KLF12: variants seen among roughly 807,000 people sequenced by gnomAD.
The protein encoded by KLF12 is Krueppel-like factor 12.
KLF12 carries 9 observed loss-of-function variants against 37.8 expected under a neutral mutation model. The observed-to-expected ratio is 0.24, with a 90% CI of 0.14 to 0.42. The LOEUF (loss-of-function observed/expected upper bound fraction) is 0.42. Ranked by LOEUF, KLF12 falls within the 10% of genes least tolerant of loss-of-function variation. The pLI is 1.00. For missense variants in KLF12, 411 were observed against 516.0 expected (o/e 0.80, Z 1.97); for synonymous variants, 208 against 202.1 (o/e 1.03, Z -0.25).
chr13:73,857,547 C>T (rs1297187814), intron 3 of KLF12, among the ~76,000 whole-genome samples: 1 of 152,162 alleles, frequency 6.6e-6, no homozygotes, highest in Non-Finnish European at 1.5e-5. Context: ...TTTATACATT[C>T]TAGTTGGTTA....
the KLF12 span, among the ~76,000 whole-genome samples, chr13:74,177,693 T>A: frequency 6.6e-6 from 1 of 152,130 alleles, no homozygotes; most frequent in African/African-American, 2.4e-5. Context: ...TCAGAAGCCT[T>A]TGTACGAGTT....
At chr13:73,994,664 G>T (rs1437033909) in intron 2 of KLF12, among the ~76,000 whole-genome samples, 3 of 152,090 alleles carry the variant, frequency 2.0e-5, no homozygotes, top group East Asian at 1.9e-4. Flanking sequence ...AAAAAATCTG[G>T]CTTCTTTTTT....
upstream of KLF12, among the ~76,000 whole-genome samples, chr13:74,135,604 G>C (rs1479409342): frequency 6.6e-6 from 1 of 151,204 alleles, no homozygotes; most frequent in Non-Finnish European, 1.5e-5. Flanking sequence ...CGGGCGGGCG[G>C]GGCGCGCGGC....
chr13:74,128,281 C>T (rs1878054987), intron 1 of KLF12, among the ~76,000 whole-genome samples: 1 of 152,198 alleles, frequency 6.6e-6, no homozygotes, highest in Non-Finnish European at 1.5e-5. Flanking sequence ...TCTACCCACA[C>T]TCGGAAATTC....
At chr13:73,805,706 AAGGAAGGG>A (rs1882569847) in intron 5 of KLF12, among the ~76,000 whole-genome samples, 1 of 142,818 alleles carries the variant, frequency 7.0e-6, no homozygotes, top group Non-Finnish European at 1.5e-5. Context: ...GGAAGGAAGG[AAGGAAGGG>A]GAAAAGATTG....
chr13:74,102,330 C>T (rs991148998), intron 1 of KLF12, among the ~76,000 whole-genome samples: 2 of 151,890 alleles, frequency 1.3e-5, no homozygotes, highest in African/African-American at 4.8e-5. Context: ...TAGCACTAAA[C>T]AATTACAAAG....
the KLF12 span, chr13:74,257,933 T>A: frequency 1.3e-5 from 2 of 152,210 alleles, no homozygotes; most frequent in African/African-American, 4.8e-5. Context: ...GTCTTCTCTG[T>A]ATTAAATAAC....
intron 1 of KLF12, among the ~76,000 whole-genome samples, chr13:74,002,311 C>A (rs1416810261): frequency 6.6e-6 from 1 of 152,202 alleles, no homozygotes; most frequent in African/African-American, 2.4e-5. Context: ...ACTACATAAT[C>A]CCAGAAAATA....
chr13:74,295,058 C>T, the KLF12 span, among the ~76,000 whole-genome samples: 3 of 152,272 alleles, frequency 2.0e-5, no homozygotes, highest in Non-Finnish European at 2.9e-5. Flanking sequence ...TTTTATGTAA[C>T]ATTGGGCAAC....
intron 1 of KLF12, among the ~76,000 whole-genome samples, chr13:74,089,727 A>C: frequency 6.9e-6 from 1 of 144,926 alleles, no homozygotes; most frequent in Admixed American, 6.9e-5. Flanking sequence ...ACAAAACACC[A>C]TTTATTGAAA....
intron 6 of KLF12, among the ~76,000 whole-genome samples, chr13:73,731,128 T>G (rs1405740870): frequency 6.6e-6 from 1 of 152,036 alleles, no homozygotes; most frequent in African/African-American, 2.4e-5. Flanking sequence ...CCAAGGAATT[T>G]CAGAAGTAGA....
chr13:73,973,859 A>G lies in KLF12; in HGVS notation c.33+21131T>C, dbSNP rs896964152. Reference sequence around the variant, plus strand: ...ACAGGACTTCCAAAAAGTGATTATCAACGAATGGGAGCTCAAAGATGAAAT... The same window carrying G: ...ACAGGACTTCCAAAAAGTGATTATCGACGAATGGGAGCTCAAAGATGAAAT... On this transcript the variant is annotated intron_variant, in intron 2 of 7. Coordinates refer to ENST00000377669, the MANE Select transcript of KLF12 (RefSeq NM_007249.5). Among the ~76,000 whole-genome samples, 30 of 152,152 alleles carry G rather than the reference A, an allele frequency of 2.0e-4. 1 individual carries two copies. The highest frequency in any genetic ancestry group is 1.3e-4 in the Admixed American group (2 of 15,276).
At chr13:73,793,743 A>T (rs1285365360) in intron 5 of KLF12, among the ~76,000 whole-genome samples, 1 of 152,250 alleles carries the variant, frequency 6.6e-6, no homozygotes. Context: ...AAATTGAAAT[A>T]ACTGATTATT....
chr13:74,002,536 C>T (rs530624355), intron 1 of KLF12, among the ~76,000 whole-genome samples: 7 of 152,140 alleles, frequency 4.6e-5, no homozygotes, highest in South Asian at 2.1e-4. Context: ...CCACCACATT[C>T]GGCTAATGTT....
At chr13:73,746,664 G>A (rs7331111) in intron 6 of KLF12, among the ~76,000 whole-genome samples, 57,312 of 151,856 alleles carry the variant, frequency 0.38, 13,010 homozygotes, top group African/African-American at 0.64. Context: ...TATTTTAATT[G>A]AGTGAAGTTT....
chr13:74,237,549 T>C, the KLF12 span, among the ~76,000 whole-genome samples: 8 of 148,130 alleles, frequency 5.4e-5, no homozygotes, highest in Admixed American at 2.0e-4. Flanking sequence ...GCCATTTTCA[T>C]GATATTGATT....
intron 3 of KLF12, among the ~76,000 whole-genome samples, chr13:73,932,494 A>G (rs1889733101): frequency 6.6e-6 from 1 of 152,276 alleles, no homozygotes; most frequent in Non-Finnish European, 1.5e-5. Flanking sequence ...CAAAACAAAA[A>G]AAACCTGTTG....
intron 7 of KLF12, among the ~76,000 whole-genome samples, chr13:73,696,986 C>T (rs985798916): frequency 1.3e-5 from 2 of 152,010 alleles, no homozygotes; most frequent in Admixed American, 6.6e-5. Context: ...TACCAGTTTC[C>T]GAATACTTGG....
chr13:73,938,617 C>T (rs1890056143), intron 3 of KLF12, among the ~76,000 whole-genome samples: 1 of 152,214 alleles, frequency 6.6e-6, no homozygotes, highest in Non-Finnish European at 1.5e-5. Context: ...AAGCTCTGCT[C>T]TTAAGGAAGT....
Sources: gnomAD v4.1 joint callset for allele counts (sites outside exome capture counted in the v4.1 genomes callset) on GRCh38, gnomAD v4.1.1 for gene constraint, MANE v1.5 for transcripts, NCBI Gene and HGNC (gene_info 2026-07-23, HGNC 2026-07-21) for gene names.